DGKB: variants seen among roughly 807,000 people sequenced by gnomAD.
DGKB encodes 90 kDa diacylglycerol kinase.
DGKB carries 67 observed loss-of-function variants against 114.3 expected under a neutral mutation model. The ratio of observed to expected loss-of-function variants is 0.59; its 90% confidence interval spans 0.48 to 0.72. The LOEUF is 0.72. DGKB is among the 30% of genes least tolerant of loss of function. DGKB has a pLI of 0.00. For synonymous variants in DGKB, 398 were observed against 323.1 expected (o/e 1.23, Z -2.49); for missense variants, 907 against 975.2 (o/e 0.93, Z 0.93).
At position 14,667,882 on chromosome 7, in the gene DGKB, T is replaced by C. The variant is rs1818312427; in HGVS notation, c.1134+5047A>G. ...AGGTGGGCAAAATTTTAAAGCAAAGTGATTTAAATTGATTTATTAACACAT... is the reference window on the plus strand; with the variant it reads ...AGGTGGGCAAAATTTTAAAGCAAAGCGATTTAAATTGATTTATTAACACAT... On this transcript the variant is annotated intron_variant, in intron 13 of 25. Transcript: ENST00000402815. 2.6e-5 allele frequency among the ~76,000 whole-genome samples: 4 copies of C among 152,038 alleles called. No homozygotes were observed. The South Asian group carries it at 8.3e-4, about 31-fold the overall frequency.
chr7:14,565,124 TGGATGCAAACAGAGGTTTGCATCAA>T (rs1797203574), intron 20 of DGKB, among the ~76,000 whole-genome samples: 2 of 152,216 alleles, frequency 1.3e-5, no homozygotes, highest in Admixed American at 1.3e-4. Context: ...ATTAGCAAGC[TGGATGCAAACAGAGGTTTGCATCAA>T]GAGGTTTGCA....
At chr7:14,735,943 AT>A in intron 5 of DGKB, 97 bp downstream of exon 5, 1 of 774,744 alleles carries the variant, frequency 1.3e-6, no homozygotes, top group Non-Finnish European at 1.9e-6. Context: ...TAACAAAACA[AT>A]TTTTATGCAA....
At chr7:14,841,746 G>A (rs1307922152) in intron 1 of DGKB, among the ~76,000 whole-genome samples, 2 of 152,068 alleles carry the variant, frequency 1.3e-5, no homozygotes, top group Non-Finnish European at 2.9e-5. Context: ...GCTAAAATAA[G>A]CTCTCTAGCT....
intron 2 of DGKB, among the ~76,000 whole-genome samples, chr7:14,830,375 A>T (rs35694399): frequency 0.89 from 135,158 of 151,774 alleles, 60,536 homozygotes; most frequent in East Asian, 1. Context: ...AAATAATTTA[A>T]TAGGCAGAAA....
intron 20 of DGKB, among the ~76,000 whole-genome samples, chr7:14,482,242 G>T (rs899850759): frequency 6.6e-6 from 1 of 151,926 alleles, no homozygotes; most frequent in African/African-American, 2.4e-5. Flanking sequence ...GAAAATAAAT[G>T]TTAACTATTA....
Position 14,841,316 on chromosome 7 carries a change from T to C in DGKB, c.-53A>G. On this transcript the variant is annotated 5_prime_UTR_variant, in exon 2 of 26. Coordinates refer to ENST00000402815, the MANE Select transcript of DGKB (RefSeq NM_001350709.2). The stretch of plus-strand genomic sequence containing the variant: ...CCAGGTAAAAGATTCTTTATTCAGG[T>C]GTTGCGCAGAGGTCTATGCTTCAAA... The C allele has an allele frequency of 1.3e-6, 2 of 1,524,470 alleles. No homozygotes were observed. Among genetic ancestry groups the C allele is most frequent in the Non-Finnish European group, 9.1e-7 (1 of 1,104,888 alleles). The allele number at this position is 1,524,470 out of a possible 1,614,324, so 94.4% of individuals were successfully genotyped here.
At chr7:14,801,893 TATATACACAC>T (rs547284688) in intron 2 of DGKB, among the ~76,000 whole-genome samples, 7 of 146,950 alleles carry the variant, frequency 4.8e-5, no homozygotes, top group Non-Finnish European at 9.0e-5. Context: ...TGTGTATATA[TATATACACAC>T]ATATACACAC....
At chr7:14,585,523 T>C (rs1473578089) in intron 17 of DGKB, among the ~76,000 whole-genome samples, 1 of 152,236 alleles carries the variant, frequency 6.6e-6, no homozygotes, top group Non-Finnish European at 1.5e-5. Flanking sequence ...CTACTTCTAC[T>C]GCTGTGTTAA....
intron 1 of DGKB, among the ~76,000 whole-genome samples, chr7:14,859,700 A>G (rs963880505): frequency 3.9e-5 from 6 of 152,190 alleles, no homozygotes; most frequent in Non-Finnish European, 7.4e-5. Context: ...TTGATGCAAC[A>G]TTTACTTCGG....
chr7:14,330,184 A>G (rs1010266718), intron 23 of DGKB, among the ~76,000 whole-genome samples: 101 of 152,066 alleles, frequency 6.6e-4, no homozygotes, highest in Non-Finnish European at 8.8e-5. Flanking sequence ...ATATAAGATT[A>G]ACAATCTGAG....
At chr7:14,216,430 A>C (rs1788970852) in intron 23 of DGKB, among the ~76,000 whole-genome samples, 1 of 152,210 alleles carries the variant, frequency 6.6e-6, no homozygotes, top group South Asian at 2.1e-4. Context: ...GTGACTATGA[A>C]AATGCATATA....
chr7:14,266,587 T>C (rs1797551770), intron 23 of DGKB, among the ~76,000 whole-genome samples: 1 of 152,202 alleles, frequency 6.6e-6, no homozygotes, highest in African/African-American at 2.4e-5. Context: ...ATCTGTGTTT[T>C]TGACCTTTTA....
chr7:14,743,270 G>T (rs73682526), intron 4 of DGKB, among the ~76,000 whole-genome samples: 7,906 of 152,168 alleles, frequency 0.052, 304 homozygotes, highest in Admixed American at 0.11. Context: ...AATAATGAAA[G>T]ATTTTCATGT....
At chr7:14,836,957 G>T (rs1847248185) in intron 2 of DGKB, among the ~76,000 whole-genome samples, 1 of 152,140 alleles carries the variant, frequency 6.6e-6, no homozygotes, top group Admixed American at 6.5e-5. Context: ...TGTTCAAACA[G>T]CCAGAAGAAC....
intron 1 of DGKB, among the ~76,000 whole-genome samples, chr7:14,970,683 G>T (rs1370507744): frequency 6.6e-6 from 1 of 152,102 alleles, no homozygotes; most frequent in Non-Finnish European, 1.5e-5. Flanking sequence ...TTCCCCTAAA[G>T]TGAATGATTG....
intron 23 of DGKB, among the ~76,000 whole-genome samples, chr7:14,185,904 CTA>C (rs1562563516): frequency 6.6e-6 from 1 of 152,140 alleles, no homozygotes; most frequent in Non-Finnish European, 1.5e-5. Context: ...AGACCTGAAA[CTA>C]TAAAAATTCT....
chr7:14,695,152 C>T (rs1823593988), intron 8 of DGKB, among the ~76,000 whole-genome samples: 1 of 152,144 alleles, frequency 6.6e-6, no homozygotes, highest in African/African-American at 2.4e-5. Flanking sequence ...CACTCTTGTG[C>T]TTGGTGTCTT....
chr7:14,697,641 G>A (rs1824191592), intron 8 of DGKB, among the ~76,000 whole-genome samples: 1 of 145,246 alleles, frequency 6.9e-6, no homozygotes, highest in African/African-American at 2.6e-5. Context: ...GAATATATCA[G>A]GGTCCCAGAC....
At chr7:14,801,675 G>A (rs536630688) in intron 2 of DGKB, among the ~76,000 whole-genome samples, 5 of 151,794 alleles carry the variant, frequency 3.3e-5, no homozygotes, top group South Asian at 2.1e-4. Context: ...AGTTCCCCCC[G>A]TCTCAGGATT....
Sources: allele counts gnomAD v4.1 joint callset (sites outside exome capture counted in the v4.1 genomes callset), GRCh38; gene constraint gnomAD v4.1.1; transcripts MANE v1.5; gene names NCBI Gene and HGNC (gene_info 2026-07-23, HGNC 2026-07-21).